ADAMTS20: variants seen among roughly 807,000 people sequenced by gnomAD.
ADAMTS20 encodes the protein A disintegrin and metalloproteinase with thrombospondin motifs 20.
A neutral mutation model predicts 260.1 loss-of-function variants in ADAMTS20; 225 were observed. The ratio of observed to expected loss-of-function variants is 0.87; its 90% CI spans 0.78 to 0.97. The LOEUF is 0.97. Among genes scored for constraint, ADAMTS20 ranks in the 50% least tolerant of loss-of-function variants. ADAMTS20 has a pLI of 0.00. For missense variants in ADAMTS20, 2,400 were observed against 2,337.7 expected (o/e 1.03, Z -0.55); for synonymous variants, 802 against 769.5 (o/e 1.04, Z -0.70).
At chr12:43,369,055 A>G (rs78370585) in intron 37 of ADAMTS20, among the ~76,000 whole-genome samples, 6 of 152,274 alleles carry the variant, frequency 3.9e-5, no homozygotes, top group African/African-American at 1.4e-4. Context: ...CACATTATGG[A>G]AGAAGAAATA....
At chr12:43,494,380 A>T (rs1365205709) in intron 4 of ADAMTS20, among the ~76,000 whole-genome samples, 3 of 152,196 alleles carry the variant, frequency 2.0e-5, no homozygotes, top group Admixed American at 1.3e-4. Context: ...CTTCACCACA[A>T]CATATAACAT....
intron 29 of ADAMTS20, among the ~76,000 whole-genome samples, chr12:43,392,255 A>C (rs1940611444): frequency 6.6e-6 from 1 of 152,158 alleles, no homozygotes; most frequent in Admixed American, 6.6e-5. Context: ...TTTCACAGCT[A>C]ATTTCAGAAA....
Position 43,399,081 on chromosome 12 carries a change from G to T in ADAMTS20, c.4437C>A (p.Ala1479=). Reference sequence around the variant, plus strand: ...CATCATATACCTCATTCCAGCTATTGGCTTTCCATGAAGGGCATCTGACAG... The same window carrying T: ...CATCATATACCTCATTCCAGCTATTTGCTTTCCATGAAGGGCATCTGACAG... ...CRSVRCPSWK[A]NSWNECSVTC... is the part of the protein sequence containing the mutation. The change falls in exon 29 of 39, where the codon GCC becomes GCA. Residue 1479 remains alanine, a synonymous_variant. Coordinates refer to ENST00000389420, the MANE Select transcript of ADAMTS20 (RefSeq NM_025003.5). The T allele has an allele frequency of 6.6e-7, 1 of 1,521,548 alleles. No homozygotes were observed. 94.3% of individuals were successfully genotyped at this position (1,521,548 alleles called of 1,614,324 possible). A position where few individuals can be genotyped will look rare whatever the true frequency, so the allele number is the denominator to read the frequency against.
At chr12:43,462,659 T>A (rs540793610) in intron 11 of ADAMTS20, among the ~76,000 whole-genome samples, 1 of 152,362 alleles carries the variant, frequency 6.6e-6, no homozygotes, top group African/African-American at 2.4e-5. Context: ...TCCATGTAAT[T>A]ATTTATATGC....
intron 28 of ADAMTS20, among the ~76,000 whole-genome samples, chr12:43,421,296 A>AAAAAC (rs1284562064): frequency 6.6e-6 from 1 of 151,582 alleles, no homozygotes. Flanking sequence ...AAAAAAAAAA[A>AAAAAC]AACTTTCTCT....
Position 43,492,579 on chromosome 12 carries a change from A to G in ADAMTS20, c.1002T>C (p.Cys334=), listed in dbSNP as rs530488975. The G allele has an allele frequency of 3.5e-5, 56 of 1,613,870 alleles. No homozygotes were observed. In the East Asian group the frequency reaches 1.2e-3, roughly 34 times the overall value. Residue 334 remains cysteine (C), a synonymous_variant, in exon 6 of 39, where the codon TGT becomes TGC. Transcript: ENST00000389420. ...FDGATTLKNF[C]SWQQTQNDLD... ...GGTCATTCTGAGTTTGTTGCCATGA[A>G]CAAAAGTTCTTTAATGTGGTAGCAC...
intron 2 of ADAMTS20, among the ~76,000 whole-genome samples, chr12:43,547,535 G>T (rs1219460758): frequency 6.6e-6 from 1 of 152,028 alleles, no homozygotes; most frequent in Non-Finnish European, 1.5e-5. Context: ...CCTCTGAAAG[G>T]GTTCCCTACA....
chr12:43,475,387 G>A lies in ADAMTS20; in HGVS notation c.1118-6682C>T, dbSNP rs1406829954. ...CATTCCATGCTCATGGGTAGGAAGAGTCAATATCGTGAAAATGGCCATACT... is the reference window on the plus strand; with the variant it reads ...CATTCCATGCTCATGGGTAGGAAGAATCAATATCGTGAAAATGGCCATACT... On this transcript the variant is annotated intron_variant, in intron 7 of 38. Transcript: ENST00000389420. 4.3e-5 allele frequency among the ~76,000 whole-genome samples: 6 copies of A among 140,944 alleles called. No individual in the cohort carries two copies. In the East Asian group the frequency reaches 6.3e-4, roughly 15 times the overall value. 92.5% of individuals were successfully genotyped at this position (140,944 alleles called of 152,430 possible).
At chr12:43,435,178 T>G (rs1294490795) in intron 18 of ADAMTS20, among the ~76,000 whole-genome samples, 3 of 152,186 alleles carry the variant, frequency 2.0e-5, no homozygotes, top group Admixed American at 6.5e-5. Context: ...GGACTTTAAT[T>G]AATAATAATG....
intron 11 of ADAMTS20, among the ~76,000 whole-genome samples, chr12:43,462,205 A>C (rs1486278094): frequency 6.6e-6 from 1 of 152,226 alleles, no homozygotes; most frequent in African/African-American, 2.4e-5. Context: ...ATCCATTGCC[A>C]AGGAAGTGTT....
chr12:43,397,665 T>C (rs1203787492), intron 29 of ADAMTS20, among the ~76,000 whole-genome samples: 1 of 152,206 alleles, frequency 6.6e-6, no homozygotes, highest in Non-Finnish European at 1.5e-5. Flanking sequence ...TAGAGAAATC[T>C]TTTAAATCAT....
At chr12:43,426,477 C>CTAAT (rs35936400) in intron 27 of ADAMTS20, among the ~76,000 whole-genome samples, 50,629 of 151,844 alleles carry the variant, frequency 0.33, 8,944 homozygotes, top group East Asian at 0.75. Context: ...AAACATTTGA[C>CTAAT]TAAGTCATTC....
intron 28 of ADAMTS20, among the ~76,000 whole-genome samples, chr12:43,405,229 C>CCAAAA (rs1410899520): frequency 0.027 from 1,448 of 52,776 alleles, 285 homozygotes; most frequent in South Asian, 0.054. Context: ...CTCATCTCTA[C>CCAAAA]AAAAAAAAAA....
In ADAMTS20 at chr12:43,439,686, C is replaced by G. The variant is rs767530410; in HGVS notation, c.2529G>C (p.Glu843Asp). Residue 843 changes from glutamate to aspartate, a missense_variant, in exon 18 of 39, where the codon GAG (glutamate) becomes GAC (aspartate). Physicochemically the swap from Glu to Asp is conservative, Grantham distance 45 (BLOSUM62 2). Transcript: ENST00000389420. ...GGTCCCATGTGAACATGTCACTCCTCTCTTCCAAAGGGATATTGAAGGAAT... is the reference window on the plus strand; with the variant it reads ...GGTCCCATGTGAACATGTCACTCCTGTCTTCCAAAGGGATATTGAAGGAAT... Reference protein sequence around the residue: ...VHYSFNIPLEERSDMFTWDPY... With the variant: ...VHYSFNIPLEDRSDMFTWDPY... 1.8e-5 allele frequency: 29 copies of G among 1,613,738 alleles called. No individual in the cohort carries two copies. The highest frequency in any genetic ancestry group is 2.2e-5 in the South Asian group (2 of 91,072).
intron 38 of ADAMTS20, 70 bp downstream of exon 38, chr12:43,356,413 TA>T (rs565658835): frequency 9.4e-6 from 9 of 959,350 alleles, no homozygotes; most frequent in Non-Finnish European, 1.4e-5. Context: ...ACATTTTAGG[TA>T]GAGAACCTTT....
At chr12:43,359,499 T>A (rs1592023603) in intron 37 of ADAMTS20, among the ~76,000 whole-genome samples, 2 of 151,852 alleles carry the variant, frequency 1.3e-5, no homozygotes, top group South Asian at 2.1e-4. Context: ...ATACGGAGAG[T>A]TGATTCTAAA....
intron 3 of ADAMTS20, among the ~76,000 whole-genome samples, chr12:43,528,357 A>ACAAAAC (rs1463162116): frequency 6.8e-6 from 1 of 146,250 alleles, no homozygotes; most frequent in Non-Finnish European, 1.5e-5. Context: ...GCAAAAAAAA[A>ACAAAAC]AAAAAAAAAA....
At chr12:43,484,326 C>A (rs1942488043) in intron 7 of ADAMTS20, among the ~76,000 whole-genome samples, 1 of 151,846 alleles carries the variant, frequency 6.6e-6, no homozygotes, top group African/African-American at 2.4e-5. Context: ...TGGGTGTAAG[C>A]CAAAATGAAA....
intron 4 of ADAMTS20, among the ~76,000 whole-genome samples, chr12:43,501,052 ATTCT>A (rs1175542909): frequency 1.7e-5 from 1 of 60,258 alleles, no homozygotes; most frequent in African/African-American, 6.9e-5. Context: ...TGGCTATGTA[ATTCT>A]TTTTTTTTTT....
Sources: gnomAD v4.1 joint callset for allele counts (sites outside exome capture counted in the v4.1 genomes callset) on GRCh38, gnomAD v4.1.1 for gene constraint, MANE v1.5 for transcripts, NCBI Gene and HGNC (gene_info 2026-07-23, HGNC 2026-07-21) for gene names.